Variants in COL5A2 observed in about 807,000 individuals in gnomAD.
COL5A2 encodes the protein collagen type V alpha 2 chain.
COL5A2 carries 23 observed loss-of-function variants against 208.2 expected under a neutral mutation model. The ratio of observed to expected loss-of-function variants is 0.11; its 90% CI spans 0.08 to 0.16. The LOEUF (loss-of-function observed/expected upper bound fraction) is 0.16. Ranked by LOEUF, COL5A2 falls within the 10% of genes least tolerant of loss-of-function variation. COL5A2 has a pLI of 1.00. For synonymous variants in COL5A2, 625 were observed against 628.5 expected (o/e 0.99, Z 0.08); for missense variants, 1,590 against 1,956.4 (o/e 0.81, Z 3.53).
the COL5A2 span, among the ~76,000 whole-genome samples, chr2:189,277,794 A>G: frequency 2.6e-4 from 40 of 152,266 alleles, no homozygotes; most frequent in African/African-American, 9.1e-4. Context: ...TCTATGTATT[A>G]CTTGACAAAA....
the COL5A2 span, among the ~76,000 whole-genome samples, chr2:189,437,815 C>G: frequency 1.3e-5 from 2 of 152,018 alleles, no homozygotes; most frequent in African/African-American, 4.8e-5. Flanking sequence ...AATACAAAAT[C>G]GATGTAATCT....
intron 1 of COL5A2, among the ~76,000 whole-genome samples, chr2:189,195,490 A>C (rs569073094): frequency 6.5e-4 from 99 of 152,332 alleles, no homozygotes; most frequent in African/African-American, 2.3e-3. Flanking sequence ...GAACCAAAAA[A>C]GAGCTCGTAT....
intron 1 of COL5A2, among the ~76,000 whole-genome samples, chr2:189,116,199 G>A (rs761039374): frequency 1.3e-5 from 2 of 152,320 alleles, no homozygotes; most frequent in South Asian, 2.1e-4. Context: ...GAAGTGGAGA[G>A]AGAATGCCTT....
At chr2:189,371,609 C>T in the COL5A2 span, among the ~76,000 whole-genome samples, 1 of 152,098 alleles carries the variant, frequency 6.6e-6, no homozygotes, top group African/African-American at 2.4e-5. Context: ...GTGTTTATGT[C>T]CTGGGAATCT....
chr2:189,052,103 T>C, intron 41 of COL5A2, 69 bp downstream of exon 41: 1 of 1,273,068 alleles, frequency 7.9e-7, no homozygotes, highest in Non-Finnish European at 1.1e-6. Flanking sequence ...ATAATAAATT[T>C]AACTCAAATG....
chr2:189,058,850 C>A lies in COL5A2; in HGVS notation c.2129G>T (p.Arg710Ile). ...DPGAVGPLGP[R>I]GERGNPGERG... The stretch of plus-strand genomic sequence containing the variant: ...AATCATGAAGATTAAAATACTTACT[C>A]TAGGTCCTAACGGGCCAACTGCTCC... Residue 710 changes from arginine to isoleucine, a missense_variant and splice_region_variant, in exon 32 of 54, where the codon AGA becomes ATA. By Grantham distance (97) the Arg-to-Ile change is moderately conservative. Coordinates refer to ENST00000374866, the MANE Select transcript of COL5A2 (RefSeq NM_000393.5). 1 of 1,613,458 alleles carries A rather than the reference C, an allele frequency of 6.2e-7. No individual in the cohort carries two copies. Among genetic ancestry groups the A allele is most frequent in the South Asian group, 1.1e-5 (1 of 91,024 alleles).
At chr2:189,172,353 A>C (rs773242019) in intron 1 of COL5A2, among the ~76,000 whole-genome samples, 5 of 152,230 alleles carry the variant, frequency 3.3e-5, no homozygotes, top group Non-Finnish European at 7.3e-5. Flanking sequence ...GCTTCAAAAC[A>C]ATTCAAAGAT....
chr2:189,034,001 A>T lies in COL5A2; in HGVS notation c.*69T>A, dbSNP rs559459583. Reference sequence around the variant, plus strand: ...AAGAGTCTCAGGATCAACTTCAAACAGTCAAAGTTCTTGTGAATGGCGGTG... The same window carrying T: ...AAGAGTCTCAGGATCAACTTCAAACTGTCAAAGTTCTTGTGAATGGCGGTG... On this transcript the variant is annotated 3_prime_UTR_variant, in exon 54 of 54. Transcript: ENST00000374866. The T allele has an allele frequency of 1.9e-5, 31 of 1,604,972 alleles. No homozygotes were observed. In the Admixed American group the frequency reaches 3.8e-4, roughly 20 times the overall value.
chr2:189,309,076 T>C, the COL5A2 span, among the ~76,000 whole-genome samples: 1 of 152,174 alleles, frequency 6.6e-6, no homozygotes, highest in Non-Finnish European at 1.5e-5. Context: ...CAGCTCCTTT[T>C]GTTACAGGAG....
chr2:189,269,201 G>C, the COL5A2 span, among the ~76,000 whole-genome samples: 1 of 152,060 alleles, frequency 6.6e-6, no homozygotes, highest in Admixed American at 6.6e-5. Flanking sequence ...CTTGAATATA[G>C]CTAAGAAATT....
intron 26 of COL5A2, 75 bp from the exon 27 acceptor site, chr2:189,063,345 T>C: frequency 8.6e-7 from 1 of 1,164,304 alleles, no homozygotes; most frequent in African/African-American, 1.5e-5. Flanking sequence ...AGTGTCACCT[T>C]TGCTTACTAT....
chr2:189,080,848 C>T lies in COL5A2; in HGVS notation c.906+142G>A, dbSNP rs1686517915. On this transcript the variant is annotated intron_variant, in intron 13 of 53. Transcript: ENST00000374866. Reference sequence around the variant, plus strand: ...GAAATGTATTAAAAAATTGTGATTTCAGTAACCACAGATGAATACTGCAAC... The same window carrying T: ...GAAATGTATTAAAAAATTGTGATTTTAGTAACCACAGATGAATACTGCAAC... 5 of 704,032 alleles carry T rather than the reference C, an allele frequency of 7.1e-6. No individual in the cohort carries two copies. In the East Asian group the frequency reaches 1.3e-4, roughly 19 times the overall value. 43.6% of individuals were successfully genotyped at this position (704,032 alleles called of 1,614,324 possible).
chr2:189,261,670 C>T, the COL5A2 span, among the ~76,000 whole-genome samples: 2 of 152,180 alleles, frequency 1.3e-5, no homozygotes, highest in African/African-American at 2.4e-5. Flanking sequence ...ACTTGTAATA[C>T]GTGTAGCTCA....
the COL5A2 span, among the ~76,000 whole-genome samples, chr2:189,399,714 G>A: frequency 6.6e-6 from 1 of 151,748 alleles, no homozygotes; most frequent in Admixed American, 6.6e-5. Context: ...TTGGTTATCT[G>A]TTTGAAACAG....
chr2:189,125,719 T>C (rs188155173), intron 1 of COL5A2, among the ~76,000 whole-genome samples: 3 of 152,256 alleles, frequency 2.0e-5, no homozygotes, highest in Admixed American at 6.6e-5. Flanking sequence ...ATCATCTGTT[T>C]ATGTTACAGG....
chr2:189,097,882 T>A (rs537113956), intron 5 of COL5A2, among the ~76,000 whole-genome samples: 5 of 152,222 alleles, frequency 3.3e-5, no homozygotes, highest in Non-Finnish European at 7.4e-5. Context: ...TCTTTTCTTT[T>A]TACTTTACTT....
the COL5A2 span, among the ~76,000 whole-genome samples, chr2:189,322,399 T>C: frequency 2.0e-5 from 3 of 152,064 alleles, no homozygotes; most frequent in African/African-American, 7.2e-5. Context: ...GCTGACTTTT[T>C]GAAAAAATCA....
chr2:189,413,806 T>C, the COL5A2 span, among the ~76,000 whole-genome samples: 2 of 146,024 alleles, frequency 1.4e-5, no homozygotes, highest in African/African-American at 5.1e-5. Context: ...TTTTTTTTTT[T>C]TTTGAGACTC....
At chr2:189,041,442 TTACTTA>T in intron 50 of COL5A2, 138 bp downstream of exon 50, 1 of 715,990 alleles carries the variant, frequency 1.4e-6, no homozygotes, top group Non-Finnish European at 2.6e-6. Flanking sequence ...CTTGAAATAG[TTACTTA>T]TACTCTTGTG....
Sources: allele counts gnomAD v4.1 joint callset (sites outside exome capture counted in the v4.1 genomes callset), GRCh38; gene constraint gnomAD v4.1.1; transcripts MANE v1.5; gene names NCBI Gene and HGNC (gene_info 2026-07-23, HGNC 2026-07-21).